The following SPIDR variants were observed in gnomAD, a reference collection of about 807,000 sequenced individuals.
The protein encoded by SPIDR is DNA repair-scaffolding protein.
In SPIDR, 93 loss-of-function variants were observed where a neutral mutation model predicts 104.6. That is an observed-to-expected ratio of 0.89 (90% CI 0.75 to 1.06). The LOEUF is 1.06. Ranked by LOEUF, SPIDR falls within the 50% of genes least tolerant of loss-of-function variation. The pLI is 0.00. For synonymous variants in SPIDR, 431 were observed against 416.9 expected, an observed-to-expected ratio of 1.03 and a Z score of -0.41; for missense variants, 1,154 against 1,111.2, an observed-to-expected ratio of 1.04 and a Z score of -0.55.
chr8:47,615,334 T>G (rs921148017), intron 10 of SPIDR, among the ~76,000 whole-genome samples: 3 of 152,194 alleles, frequency 2.0e-5, no homozygotes, highest in South Asian at 2.1e-4. Flanking sequence ...GATTTACTCC[T>G]GTGTTTTTGT....
intron 7 of SPIDR, among the ~76,000 whole-genome samples, chr8:47,431,186 G>T (rs1025957329): frequency 1.3e-5 from 2 of 152,146 alleles, no homozygotes; most frequent in Non-Finnish European, 2.9e-5. Flanking sequence ...AGCCTTTCCC[G>T]TGTGTGTGCA....
chr8:47,283,502 A>T (rs1043144179), intron 2 of SPIDR, among the ~76,000 whole-genome samples: 1 of 152,354 alleles, frequency 6.6e-6, no homozygotes, highest in Admixed American at 6.5e-5. Context: ...TGACACAGAG[A>T]CACAAGTTTA....
At position 47,640,415 on chromosome 8, in the gene SPIDR, A is replaced by C. The variant is rs527239693; in HGVS notation, c.1545-33386A>C. 2.6e-5 allele frequency among the ~76,000 whole-genome samples: 4 copies of C among 152,342 alleles called. No homozygotes were observed. In the South Asian group the frequency reaches 6.2e-4, roughly 24 times the overall value. On this transcript the variant is annotated intron_variant, in intron 10 of 19. Coordinates refer to ENST00000297423, the MANE Select transcript of SPIDR (RefSeq NM_001080394.4). ...CTCTTAGGAAGAGAGAAGTAAAAAC[A>C]TATGATCAAAGCAGACAATAACAAC... is the stretch of plus-strand genomic sequence containing the variant.
chr8:47,703,581 A>C (rs536127500), intron 14 of SPIDR, among the ~76,000 whole-genome samples: 1 of 152,238 alleles, frequency 6.6e-6, no homozygotes, highest in African/African-American at 2.4e-5. Context: ...ATGAATGAGC[A>C]GGGCTGTGTT....
At chr8:47,523,472 A>G (rs1043890729) in intron 8 of SPIDR, among the ~76,000 whole-genome samples, 1 of 152,206 alleles carries the variant, frequency 6.6e-6, no homozygotes, top group African/African-American at 2.4e-5. Flanking sequence ...GGAAAAGGCC[A>G]GCTGAATGTG....
At chr8:47,544,498 C>G (rs1459452898) in intron 8 of SPIDR, among the ~76,000 whole-genome samples, 1 of 152,124 alleles carries the variant, frequency 6.6e-6, no homozygotes, top group Non-Finnish European at 1.5e-5. Context: ...ACTCTATGAT[C>G]TATTTTGAGT....
At chr8:47,314,626 C>G (rs1260595147) in intron 5 of SPIDR, among the ~76,000 whole-genome samples, 1 of 152,108 alleles carries the variant, frequency 6.6e-6, no homozygotes, top group Admixed American at 6.6e-5. Flanking sequence ...ACGAGAATAG[C>G]ATGAGGGTAA....
At chr8:47,605,279 A>C (rs1056761892) in intron 10 of SPIDR, among the ~76,000 whole-genome samples, 2 of 152,202 alleles carry the variant, frequency 1.3e-5, no homozygotes, top group African/African-American at 4.8e-5. Context: ...TGCAAAGTCT[A>C]ATAAAGTGAG....
intron 8 of SPIDR, among the ~76,000 whole-genome samples, chr8:47,490,861 G>C (rs1395546560): frequency 6.6e-6 from 1 of 152,180 alleles, no homozygotes; most frequent in East Asian, 1.9e-4. Flanking sequence ...TGCGGGGAGA[G>C]GGGAGGGATA....
At chr8:47,709,432 G>A (rs949382213) in intron 14 of SPIDR, among the ~76,000 whole-genome samples, 17 of 152,232 alleles carry the variant, frequency 1.1e-4, no homozygotes, top group South Asian at 4.2e-4. Flanking sequence ...AAGCCACGGC[G>A]CCCAGCCTAA....
At chr8:47,580,849 G>A (rs1235888851) in intron 8 of SPIDR, among the ~76,000 whole-genome samples, 3 of 152,130 alleles carry the variant, frequency 2.0e-5, no homozygotes, top group Admixed American at 6.5e-5. Context: ...GTCAGATACT[G>A]TGAAGTACCT....
chr8:47,707,612 AT>A, intron 14 of SPIDR, among the ~76,000 whole-genome samples: 1 of 152,284 alleles, frequency 6.6e-6, no homozygotes, highest in Non-Finnish European at 1.5e-5. Flanking sequence ...GATTTACCAG[AT>A]TTTTCTCTTA....
chr8:47,405,383 T>A (rs941837216), intron 6 of SPIDR, among the ~76,000 whole-genome samples: 4 of 152,104 alleles, frequency 2.6e-5, no homozygotes, highest in Admixed American at 2.6e-4. Context: ...TGTGCACATG[T>A]ATTCCAGAAC....
intron 10 of SPIDR, among the ~76,000 whole-genome samples, chr8:47,615,357 C>G (rs759595376): frequency 2.0e-5 from 3 of 151,988 alleles, no homozygotes; most frequent in Non-Finnish European, 4.4e-5. Flanking sequence ...AAGAATGTTA[C>G]AGTTTTAGCC....
At chr8:47,582,059 A>C (rs982307364) in intron 8 of SPIDR, among the ~76,000 whole-genome samples, 9 of 152,150 alleles carry the variant, frequency 5.9e-5, no homozygotes, top group African/African-American at 2.2e-4. Context: ...TCTACTAAAA[A>C]TACAAAAATT....
intron 10 of SPIDR, among the ~76,000 whole-genome samples, chr8:47,621,970 T>C (rs945164289): frequency 3.3e-5 from 5 of 152,234 alleles, no homozygotes; most frequent in African/African-American, 1.2e-4. Context: ...GGGAAGTCAT[T>C]GCAAGATAAG....
intron 8 of SPIDR, among the ~76,000 whole-genome samples, chr8:47,577,598 A>T (rs1269023921): frequency 1.3e-5 from 2 of 152,252 alleles, no homozygotes; most frequent in African/African-American, 4.8e-5. Flanking sequence ...TCCTGTGTGT[A>T]TGGAGGACCA....
chr8:47,504,127 C>T (rs1223959755), intron 8 of SPIDR, among the ~76,000 whole-genome samples: 2 of 152,194 alleles, frequency 1.3e-5, no homozygotes, highest in Non-Finnish European at 2.9e-5. Flanking sequence ...AGTTGCTCTT[C>T]TCGAGGAGTG....
intron 7 of SPIDR, among the ~76,000 whole-genome samples, chr8:47,435,851 G>A (rs1249604922): frequency 6.6e-6 from 1 of 152,140 alleles, no homozygotes; most frequent in Admixed American, 6.5e-5. Flanking sequence ...TTCTTAACTG[G>A]CATTTATCTG....
Sources: allele counts gnomAD v4.1 joint callset (sites outside exome capture counted in the v4.1 genomes callset), GRCh38; gene constraint gnomAD v4.1.1; transcripts MANE v1.5; gene names NCBI Gene and HGNC (gene_info 2026-07-23, HGNC 2026-07-21).